KDM4C: variants seen among roughly 807,000 people sequenced by gnomAD.
KDM4C encodes the protein lysine demethylase 4C.
A neutral mutation model predicts 129.3 loss-of-function variants in KDM4C; 81 were observed. The ratio of observed to expected loss-of-function variants is 0.63; its 90% confidence interval spans 0.52 to 0.75. KDM4C has a LOEUF of 0.75. KDM4C is among the 30% of genes least tolerant of loss of function. The pLI is 0.00. For missense variants in KDM4C, 1,457 were observed against 1,304.0 expected (o/e 1.12, Z -1.81); for synonymous variants, 573 against 456.1 (o/e 1.26, Z -3.26).
At chr9:7,161,400 C>T (rs1381863297) in intron 19 of KDM4C, among the ~76,000 whole-genome samples, 5 of 152,180 alleles carry the variant, frequency 3.3e-5, no homozygotes, top group African/African-American at 9.7e-5. Context: ...AGAGATCACC[C>T]GTCTTTTGCA....
chr9:6,865,705 C>G (rs1268915253), intron 5 of KDM4C, among the ~76,000 whole-genome samples: 1 of 152,040 alleles, frequency 6.6e-6, no homozygotes, highest in Non-Finnish European at 1.5e-5. Context: ...GCTGGGATTA[C>G]AGGCATGTGC....
intron 4 of KDM4C, among the ~76,000 whole-genome samples, chr9:6,840,273 A>C (rs1406444561): frequency 6.6e-6 from 1 of 151,518 alleles, no homozygotes; most frequent in Non-Finnish European, 1.5e-5. Context: ...GGGTTTTGCT[A>C]TGTTGTCCTG....
chr9:6,736,229 C>T (rs1320073426), intron 1 of KDM4C, among the ~76,000 whole-genome samples: 1 of 152,110 alleles, frequency 6.6e-6, no homozygotes, highest in Non-Finnish European at 1.5e-5. Context: ...TGCAACCTGA[C>T]AATGCAACAG....
At chr9:6,763,591 T>TA (rs1230296503) in intron 1 of KDM4C, among the ~76,000 whole-genome samples, 239 of 152,316 alleles carry the variant, frequency 1.6e-3, no homozygotes, top group African/African-American at 5.4e-3. Context: ...TTTGTTTCCT[T>TA]TGTGTTTATG....
chr9:6,970,095 G>T (rs1831696703), intron 8 of KDM4C, among the ~76,000 whole-genome samples: 1 of 152,160 alleles, frequency 6.6e-6, no homozygotes, highest in South Asian at 2.1e-4. Context: ...TGAGTTTGGG[G>T]GACAATCAAG....
At chr9:6,935,864 A>C (rs10975914) in intron 8 of KDM4C, among the ~76,000 whole-genome samples, 6,316 of 152,290 alleles carry the variant, frequency 0.041, 218 homozygotes, top group East Asian at 0.11. Context: ...TTTGTCAACA[A>C]GAAACTTATA....
intron 5 of KDM4C, among the ~76,000 whole-genome samples, chr9:6,871,017 C>T (rs1404021061): frequency 6.6e-6 from 1 of 152,096 alleles, no homozygotes; most frequent in African/African-American, 2.4e-5. Flanking sequence ...CTGTGACAGC[C>T]CTGTGACAGA....
intron 17 of KDM4C, among the ~76,000 whole-genome samples, chr9:7,092,936 TAA>T (rs1426212884): frequency 6.6e-6 from 1 of 152,178 alleles, no homozygotes; most frequent in African/African-American, 2.4e-5. Flanking sequence ...AAGTGCATTA[TAA>T]AAGCCATGCC....
At chr9:6,763,009 T>C (rs1161718992) in intron 1 of KDM4C, among the ~76,000 whole-genome samples, 1 of 151,466 alleles carries the variant, frequency 6.6e-6, no homozygotes, top group Non-Finnish European at 1.5e-5. Context: ...CCCTACTTCC[T>C]CATCCTCCTT....
intron 5 of KDM4C, among the ~76,000 whole-genome samples, chr9:6,863,411 G>C (rs1233021004): frequency 6.6e-6 from 1 of 152,068 alleles, no homozygotes; most frequent in African/African-American, 2.4e-5. Flanking sequence ...AAAAGTTCTG[G>C]ATTAGGCTTC....
At chr9:7,134,803 G>A (rs1185885397) in intron 19 of KDM4C, among the ~76,000 whole-genome samples, 1 of 152,180 alleles carries the variant, frequency 6.6e-6, no homozygotes, top group Non-Finnish European at 1.5e-5. Flanking sequence ...ATAGAATCTG[G>A]TTATGCCTTT....
intron 15 of KDM4C, among the ~76,000 whole-genome samples, chr9:7,031,544 T>TCCAAA (rs1826772507): frequency 6.6e-6 from 1 of 152,174 alleles, no homozygotes; most frequent in Admixed American, 6.5e-5. Context: ...CCTTTTCCAC[T>TCCAAA]TACAAAGAAT....
intron 17 of KDM4C, among the ~76,000 whole-genome samples, chr9:7,065,674 A>C (rs890949848): frequency 6.6e-6 from 1 of 152,226 alleles, no homozygotes; most frequent in Admixed American, 6.5e-5. Context: ...AGTGTAGTCC[A>C]GTGAAATATT....
At chr9:6,934,128 C>T (rs527716669) in intron 8 of KDM4C, among the ~76,000 whole-genome samples, 3 of 151,778 alleles carry the variant, frequency 2.0e-5, no homozygotes, top group East Asian at 2.0e-4. Flanking sequence ...GCTGGGATTA[C>T]AGGTGTGAGC....
chr9:6,866,627 A>G (rs375786055), intron 5 of KDM4C, among the ~76,000 whole-genome samples: 8 of 152,112 alleles, frequency 5.3e-5, no homozygotes, highest in African/African-American at 1.7e-4. Flanking sequence ...CTTCCTACAG[A>G]TTGAAGAAGG....
chr9:7,145,874 G>C (rs1477223703), intron 19 of KDM4C, among the ~76,000 whole-genome samples: 2 of 152,210 alleles, frequency 1.3e-5, no homozygotes, highest in Non-Finnish European at 2.9e-5. Context: ...ACAGAAAGTG[G>C]TTCCTGAATG....
At chr9:7,040,367 C>G (rs1364588828) in intron 15 of KDM4C, among the ~76,000 whole-genome samples, 1 of 70,236 alleles carries the variant, frequency 1.4e-5, no homozygotes, top group African/African-American at 6.0e-5. Context: ...CTCTACCCCA[C>G]TCTGTGTGTG....
chr9:7,168,785 C>G (rs1404382103), intron 20 of KDM4C, among the ~76,000 whole-genome samples: 1 of 152,030 alleles, frequency 6.6e-6, no homozygotes, highest in Non-Finnish European at 1.5e-5. Flanking sequence ...AGTAAACAGG[C>G]CGGGCATGGT....
In KDM4C at chr9:6,783,861, T is replaced by A. The variant is rs75173681; in HGVS notation, c.-17-9111T>A. ...CAGACATCAGATTGCAGATGAAGAT[T>A]TGAGTCAGGAGGTGAACTGACAAAG... On this transcript the variant is annotated intron_variant, in intron 1 of 21. Transcript: ENST00000381309. Among the ~76,000 whole-genome samples, 24 of 152,268 alleles carry A rather than the reference T, an allele frequency of 1.6e-4. No individual in the cohort carries two copies. In the East Asian group the frequency reaches 4.6e-3, roughly 29 times the overall value.
Sources: gnomAD v4.1 joint callset for allele counts (sites outside exome capture counted in the v4.1 genomes callset) on GRCh38, gnomAD v4.1.1 for gene constraint, MANE v1.5 for transcripts, NCBI Gene and HGNC (gene_info 2026-07-23, HGNC 2026-07-21) for gene names.